Variants in POGLUT1 observed in about 807,000 individuals in gnomAD.
POGLUT1 encodes 9630046K23Rik.
A neutral mutation model predicts 61.3 loss-of-function variants in POGLUT1; 32 were observed. That is an observed-to-expected ratio of 0.52 (90% confidence interval 0.39 to 0.70). POGLUT1 has a LOEUF of 0.70. POGLUT1 is among the 30% of genes least tolerant of loss of function. POGLUT1 has a pLI of 0.00. For synonymous variants in POGLUT1, 158 were observed against 158.2 expected (o/e 1.00, Z 0.01); for missense variants, 411 against 469.8 (o/e 0.87, Z 1.16).
At chr3:119,486,370 T>G (rs17203139) in intron 6 of POGLUT1, among the ~76,000 whole-genome samples, 7,161 of 152,122 alleles carry the variant, frequency 0.047, 233 homozygotes, top group Non-Finnish European at 0.067. Flanking sequence ...AGTCGTCAGG[T>G]TTTTAAGCCC....
chr3:119,477,436 C>T lies in POGLUT1; in HGVS notation c.444C>T (p.Phe148=), dbSNP rs763762941. ...PKWMEPAIPV[F]SFSKTSEYHD... ...GGATGGAGCCTGCCATCCCAGTCTT[C>T]TCCTTCAGTAAGGTAAGTACAGGGA... Residue 148 remains phenylalanine (F), a synonymous_variant, in exon 4 of 11, where the codon TTC becomes TTT. Coordinates refer to ENST00000295588, the MANE Select transcript of POGLUT1 (RefSeq NM_152305.3). The T allele has an allele frequency of 1.2e-6, 2 of 1,614,116 alleles. No homozygotes were observed. Among genetic ancestry groups the T allele is most frequent in the Non-Finnish European group, 1.7e-6 (2 of 1,179,970 alleles).
chr3:119,490,317 T>A, intron 8 of POGLUT1: 1 of 521,996 alleles, frequency 1.9e-6, no homozygotes. Flanking sequence ...GGAGAAAATA[T>A]CCCCTATTTT....
At chr3:119,469,181 G>T in intron 1 of POGLUT1, 75 bp downstream of exon 1, 2 of 1,211,886 alleles carry the variant, frequency 1.7e-6, no homozygotes, top group Non-Finnish European at 2.4e-6. Context: ...TCCCCCGCGC[G>T]GCCGGCTCCC....
At chr3:119,477,576 C>T in intron 4 of POGLUT1, 128 bp downstream of exon 4, 2 of 830,060 alleles carry the variant, frequency 2.4e-6, no homozygotes, top group East Asian at 5.0e-5. Context: ...AGAAATGGGT[C>T]TGTGTCTCTA....
chr3:119,486,209 C>G (rs1212103519), intron 6 of POGLUT1, among the ~76,000 whole-genome samples: 1 of 152,154 alleles, frequency 6.6e-6, no homozygotes, highest in Admixed American at 6.5e-5. Context: ...AGTTTTAGGA[C>G]TCCCTTGAAA....
chr3:119,475,809 C>T (rs923653097), intron 3 of POGLUT1, among the ~76,000 whole-genome samples: 62 of 144,858 alleles, frequency 4.3e-4, no homozygotes, highest in Non-Finnish European at 8.1e-4. Flanking sequence ...AAGGCTCCAT[C>T]TCAAAAAAAA....
chr3:119,490,711 A>G lies in POGLUT1; in HGVS notation c.958A>G (p.Asn320Asp), dbSNP rs748159363. Residue 320 changes from asparagine to aspartate, a missense_variant, in exon 9 of 11, where the codon AAT becomes GAT. By Grantham distance (23) the Asn-to-Asp change is conservative. Coordinates refer to ENST00000295588, the MANE Select transcript of POGLUT1 (RefSeq NM_152305.3). ...HYIPVKTDLS[N>D]VQELLQFVKA... ...TATCCCAGTCAAAACAGATCTCTCC[A>G]ATGTCCAGTAAGCAGTTATCCCCCA... The G allele has an allele frequency of 6.2e-7, 1 of 1,613,582 alleles. No homozygotes were observed. The highest frequency in any genetic ancestry group is 1.7e-5 in the Admixed American group (1 of 59,958).
At chr3:119,489,461 AT>A (rs1031947952) in intron 8 of POGLUT1, 2 of 153,850 alleles carry the variant, frequency 1.3e-5, no homozygotes, top group Admixed American at 6.4e-5. Flanking sequence ...GGGACTAAGA[AT>A]TAGATGAACA....
At chr3:119,484,947 T>C (rs1372250764) in intron 5 of POGLUT1, among the ~76,000 whole-genome samples, 9 of 152,230 alleles carry the variant, frequency 5.9e-5, no homozygotes, top group Non-Finnish European at 8.8e-5. Flanking sequence ...CCAGGCACAG[T>C]GGCTCACGCC....
chr3:119,487,692 CT>C (rs34508360), intron 7 of POGLUT1, among the ~76,000 whole-genome samples: 3 of 150,780 alleles, frequency 2.0e-5, no homozygotes, highest in Non-Finnish European at 4.4e-5. Context: ...ATTCTTTTGC[CT>C]TTTTTTTTAA....
intron 3 of POGLUT1, among the ~76,000 whole-genome samples, chr3:119,474,541 A>G (rs1022623501): frequency 2.0e-5 from 3 of 152,160 alleles, no homozygotes; most frequent in African/African-American, 7.2e-5. Flanking sequence ...AGTATATTTG[A>G]AAAGCCAAAT....
rs561671325 is a variant in POGLUT1, at chr3:119,472,224, C to T, written c.320+772C>T. 1.9e-3 allele frequency among the ~76,000 whole-genome samples: 291 copies of T among 150,224 alleles called. 1 individual carries two copies. The highest frequency in any genetic ancestry group is 6.1e-3 in the Admixed American group (92 of 15,078). On this transcript the variant is annotated intron_variant, in intron 3 of 10. Transcript: ENST00000295588. ...TTTGTTTTTTTTTTTTAACTCAGAT[C>T]TTTATAAAATTAGAAGGTACAAAAC...
chr3:119,475,739 G>A (rs901852182), intron 3 of POGLUT1, among the ~76,000 whole-genome samples: 2 of 151,590 alleles, frequency 1.3e-5, no homozygotes, highest in East Asian at 1.9e-4. Context: ...CTTGAAACCC[G>A]AGGTGGAGGT....
At chr3:119,488,818 T>A (rs1577087220) in intron 7 of POGLUT1, 111 bp from the exon 8 acceptor site, 1 of 569,560 alleles carries the variant, frequency 1.8e-6, no homozygotes, top group African/African-American at 1.8e-5. Flanking sequence ...GTATATTGAT[T>A]ATGAAGCTTA....
intron 8 of POGLUT1, 114 bp downstream of exon 8, chr3:119,489,101 T>C (rs2081708429): frequency 1.7e-6 from 1 of 573,112 alleles, no homozygotes. Flanking sequence ...AAAGTTGCAT[T>C]AATTCATTTC....
At chr3:119,488,902 T>C (rs756944095) in intron 7 of POGLUT1, 27 bp from the exon 8 acceptor site, 2 of 1,379,548 alleles carry the variant, frequency 1.4e-6, no homozygotes, top group South Asian at 1.2e-5. Context: ...TTGCTGTTAA[T>C]ACTAATAACT....
Position 119,471,419 on chromosome 3 carries a change from T to G in POGLUT1, c.287T>G (p.Leu96Arg). The G allele has an allele frequency of 6.2e-7, 1 of 1,614,100 alleles. No homozygotes were observed. The change falls in exon 3 of 11, where the codon CTG becomes CGG. Residue 96 changes from leucine to arginine, a missense_variant. Coordinates refer to ENST00000295588, the MANE Select transcript of POGLUT1 (RefSeq NM_152305.3). Reference sequence around the variant, plus strand: ...CACTATCAGATCACTAAGAACAGACTGTACCGGGAAAATGACTGCATGTTC... The same window carrying G: ...CACTATCAGATCACTAAGAACAGACGGTACCGGGAAAATGACTGCATGTTC... ...GTHYQITKNR[L>R]YRENDCMFPS...
intron 1 of POGLUT1, among the ~76,000 whole-genome samples, 163 bp from the exon 2 acceptor site, chr3:119,469,657 G>A (rs2081444999): frequency 1.3e-5 from 2 of 152,164 alleles, no homozygotes; most frequent in Admixed American, 1.3e-4. Flanking sequence ...CGTGAGCGTG[G>A]GAGTTGCACA....
chr3:119,489,098 C>A, intron 8 of POGLUT1, 111 bp downstream of exon 8: 1 of 571,488 alleles, frequency 1.7e-6, no homozygotes. Flanking sequence ...ATGAAAGTTG[C>A]ATTAATTCAT....
Sources: allele counts gnomAD v4.1 joint callset (sites outside exome capture counted in the v4.1 genomes callset), GRCh38; gene constraint gnomAD v4.1.1; transcripts MANE v1.5; gene names NCBI Gene and HGNC (gene_info 2026-07-23, HGNC 2026-07-21).